The following SUCLG2 variants were observed in gnomAD, a reference collection of about 807,000 sequenced individuals.
The protein encoded by SUCLG2 is succinate-CoA ligase GDP-forming subunit beta.
A neutral mutation model predicts 47.9 loss-of-function variants in SUCLG2; 42 were observed. The observed-to-expected ratio is 0.88, with a 90% CI of 0.69 to 1.14. The LOEUF is 1.14. SUCLG2 is among the 50% of genes most tolerant of loss of function. The probability of loss-of-function intolerance (pLI) is 0.00; values close to 1 mark genes in which losing one functional copy is unlikely to be tolerated. For synonymous variants in SUCLG2, 195 were observed against 197.3 expected, an observed-to-expected ratio of 0.99 and a Z score of 0.10; for missense variants, 571 against 525.9, an observed-to-expected ratio of 1.09 and a Z score of -0.84.
At chr3:67,430,424 C>T (rs917375395) in intron 9 of SUCLG2, among the ~76,000 whole-genome samples, 9 of 152,214 alleles carry the variant, frequency 5.9e-5, no homozygotes, top group African/African-American at 2.2e-4. Context: ...CACAACATAC[C>T]AGAATCTCTG....
intron 9 of SUCLG2, among the ~76,000 whole-genome samples, chr3:67,486,099 T>C (rs977187679): frequency 6.6e-6 from 1 of 152,002 alleles, no homozygotes; most frequent in African/African-American, 2.4e-5. Flanking sequence ...ACCCTGTCTC[T>C]ACAAAACAAA....
chr3:67,596,856 A>G (rs759835420), intron 2 of SUCLG2, among the ~76,000 whole-genome samples: 2 of 152,192 alleles, frequency 1.3e-5, no homozygotes, highest in Non-Finnish European at 2.9e-5. Context: ...AGCAATACTG[A>G]TGTTTTTTCC....
At chr3:67,592,336 C>T (rs955102444) in intron 2 of SUCLG2, among the ~76,000 whole-genome samples, 11 of 152,094 alleles carry the variant, frequency 7.2e-5, no homozygotes, top group African/African-American at 2.7e-4. Flanking sequence ...AAACAAACAA[C>T]ACAAATAAAG....
chr3:67,541,050 G>T (rs1053043781), intron 2 of SUCLG2, among the ~76,000 whole-genome samples: 1 of 152,146 alleles, frequency 6.6e-6, no homozygotes, highest in African/African-American at 2.4e-5. Flanking sequence ...CCCATCCAAA[G>T]GTGACCAACA....
chr3:67,396,199 CA>C (rs1232404810), intron 10 of SUCLG2, among the ~76,000 whole-genome samples: 1 of 151,906 alleles, frequency 6.6e-6, no homozygotes, highest in Admixed American at 6.6e-5. Flanking sequence ...AATAGAGACA[CA>C]AAAAACCCTT....
At chr3:67,403,021 G>C (rs1559513141) in intron 9 of SUCLG2, among the ~76,000 whole-genome samples, 1 of 152,160 alleles carries the variant, frequency 6.6e-6, no homozygotes, top group Non-Finnish European at 1.5e-5. Context: ...TGTCAAACAG[G>C]AATCAGTGTT....
chr3:67,514,328 G>A (rs974703105), intron 6 of SUCLG2: 3 of 385,654 alleles, frequency 7.8e-6, no homozygotes, highest in African/African-American at 4.2e-5. Context: ...TATTAAGTCT[G>A]GCAATGATGA....
chr3:67,504,070 C>T lies in SUCLG2; in HGVS notation c.757+4737G>A, dbSNP rs574731025. 3.3e-5 allele frequency among the ~76,000 whole-genome samples: 5 copies of T among 152,276 alleles called. No individual in the cohort carries two copies. The South Asian group carries it at 8.3e-4, about 25-fold the overall frequency. Reference sequence around the variant, plus strand: ...TAATCTGTCTTCAAGCAACGTACTGCGTTTGATTTGTGATAAATAACCATA... The same window carrying T: ...TAATCTGTCTTCAAGCAACGTACTGTGTTTGATTTGTGATAAATAACCATA... On this transcript the variant is annotated intron_variant, in intron 7 of 10. Transcript: ENST00000307227.
intron 2 of SUCLG2, among the ~76,000 whole-genome samples, chr3:67,580,669 G>T (rs779520733): frequency 2.0e-5 from 3 of 152,104 alleles, no homozygotes; most frequent in Admixed American, 6.5e-5. Flanking sequence ...TCCAGGGTGC[G>T]AACGTTACCT....
intron 9 of SUCLG2, among the ~76,000 whole-genome samples, chr3:67,460,026 G>T (rs1704293016): frequency 6.6e-6 from 1 of 152,154 alleles, no homozygotes; most frequent in Admixed American, 6.5e-5. Flanking sequence ...TGGCCAGAAA[G>T]CAGTGACGTG....
At chr3:67,617,031 G>C (rs1192004241) in intron 1 of SUCLG2, among the ~76,000 whole-genome samples, 1 of 152,172 alleles carries the variant, frequency 6.6e-6, no homozygotes. Context: ...TGCCAATGTT[G>C]TTCTGTATGC....
chr3:67,530,780 A>G (rs1706382772), intron 2 of SUCLG2, among the ~76,000 whole-genome samples: 1 of 152,234 alleles, frequency 6.6e-6, no homozygotes, highest in South Asian at 2.1e-4. Flanking sequence ...TGCCCTGGAT[A>G]CGAACCATCA....
chr3:67,465,237 G>T (rs1005291485), intron 9 of SUCLG2, among the ~76,000 whole-genome samples: 1 of 152,102 alleles, frequency 6.6e-6, no homozygotes, highest in African/African-American at 2.4e-5. Context: ...GCCTTTCAGA[G>T]GCTTACAATT....
At chr3:67,507,927 T>C (rs1030758191) in intron 7 of SUCLG2, among the ~76,000 whole-genome samples, 6 of 152,230 alleles carry the variant, frequency 3.9e-5, no homozygotes, top group Non-Finnish European at 7.3e-5. Context: ...CAAAAGCTTG[T>C]GAATTTGTGT....
chr3:67,630,121 ACT>A (rs1305694504), intron 1 of SUCLG2, among the ~76,000 whole-genome samples: 4 of 152,246 alleles, frequency 2.6e-5, no homozygotes, highest in South Asian at 2.1e-4. Flanking sequence ...GGTACTGTAC[ACT>A]CTATTTACGA....
At chr3:67,406,900 G>T (rs1702825097) in intron 9 of SUCLG2, among the ~76,000 whole-genome samples, 1 of 152,024 alleles carries the variant, frequency 6.6e-6, no homozygotes, top group African/African-American at 2.4e-5. Flanking sequence ...GAAAATTTAG[G>T]GTTTCCTAGC....
At chr3:67,515,458 A>G (rs1705919516) in intron 6 of SUCLG2, among the ~76,000 whole-genome samples, 2 of 152,224 alleles carry the variant, frequency 1.3e-5, no homozygotes, top group South Asian at 4.1e-4. Flanking sequence ...AAAGCAAAGT[A>G]TCATCTTTAT....
chr3:67,622,532 T>C (rs563261825), intron 1 of SUCLG2, among the ~76,000 whole-genome samples: 17 of 152,328 alleles, frequency 1.1e-4, no homozygotes, highest in African/African-American at 2.6e-4. Context: ...CTTCTTCACA[T>C]TGGACCCACA....
At chr3:67,645,546 G>A (rs968422775) in intron 1 of SUCLG2, among the ~76,000 whole-genome samples, 1 of 152,052 alleles carries the variant, frequency 6.6e-6, no homozygotes, top group African/African-American at 2.4e-5. Flanking sequence ...CAAATAGCAC[G>A]TATATTTTTT....
Sources: gnomAD v4.1 joint callset for allele counts (sites outside exome capture counted in the v4.1 genomes callset) on GRCh38, gnomAD v4.1.1 for gene constraint, MANE v1.5 for transcripts, NCBI Gene and HGNC (gene_info 2026-07-23, HGNC 2026-07-21) for gene names.